The following TAF6L variants were observed in gnomAD, a reference collection of about 807,000 sequenced individuals.
The protein encoded by TAF6L is TATA-box binding protein associated factor 6 like, also known as TAF6-like RNA polymerase II p300/CBP-associated factor-associated factor 65 kDa subunit 6L.
A neutral mutation model predicts 57.3 loss-of-function variants in TAF6L; 34 were observed. That is an observed-to-expected ratio of 0.59 (90% confidence interval 0.45 to 0.79). TAF6L has a LOEUF of 0.79. Among genes scored for constraint, TAF6L ranks in the 30% least tolerant of loss-of-function variants. The probability of loss-of-function intolerance (pLI) is 0.00; values close to 1 mark genes in which losing one functional copy is unlikely to be tolerated. For missense variants in TAF6L, 782 were observed against 853.2 expected (o/e 0.92, Z 1.04); for synonymous variants, 417 against 376.3 (o/e 1.11, Z -1.25).
chr11:62,775,851 G>A lies in TAF6L; in HGVS notation c.68G>A (p.Ser23Asn). 1 of 1,613,740 alleles carries A rather than the reference G, an allele frequency of 6.2e-7. No homozygotes were observed. The highest frequency in any genetic ancestry group is 1.7e-5 in the Admixed American group (1 of 60,000). Residue 23 changes from serine to asparagine, a missense_variant, in exon 2 of 11, where the codon AGC (serine) becomes AAC (asparagine). Physicochemically the swap from Ser to Asn is conservative, Grantham distance 46. This residue lies in a region of TAF6L where 220 missense variants were observed against 252.1 expected (regional missense o/e 0.87). Coordinates refer to ENST00000294168, the MANE Select transcript of TAF6L (RefSeq NM_006473.4). ...PRESVRLMAE[S>N]TGLELSDEVA... ...GAGTCTGTCCGGCTCATGGCGGAGA[G>A]CACGGGCCTGGAGCTGAGCGATGAG...
chr11:62,787,241 G>A lies in TAF6L; in HGVS notation c.1814G>A (p.Ser605Asn). ...AAACTGCCCATGATCGGCCGTACCA[G>A]CCGCCCCGCCCGCCGGTGGGCGCTC... ...VQKLPMIGRT[S>N]RPARRWALSD... The change falls in exon 11 of 11, where the codon AGC becomes AAC. Residue 605 changes from serine to asparagine, a missense_variant. By Grantham distance (46) the Ser-to-Asn change is conservative. Coordinates refer to ENST00000294168, the MANE Select transcript of TAF6L (RefSeq NM_006473.4). 3.2e-6 allele frequency: 5 copies of A among 1,564,860 alleles called. No individual in the cohort carries two copies. The highest frequency in any genetic ancestry group is 4.3e-6 in the Non-Finnish European group (5 of 1,163,338).
intron 6 of TAF6L, among the ~76,000 whole-genome samples, chr11:62,781,078 A>G (rs1268425535): frequency 6.6e-6 from 1 of 151,778 alleles, no homozygotes; most frequent in Non-Finnish European, 1.5e-5. Context: ...TCTACTAAAA[A>G]TACAAAAATT....
rs1220254147 is a variant in TAF6L, at chr11:62,785,117, C to T, written c.961-1143C>T. Among the ~76,000 whole-genome samples the T allele has an allele frequency of 4.0e-5, 6 of 151,884 alleles. No individual in the cohort carries two copies. The East Asian group carries it at 5.8e-4, about 15-fold the overall frequency. ...CTTCCCAAAGTGCTGGGATTACAAG[C>T]GTGAGGCACTGCACCTCGCCTATCT... is the stretch of plus-strand genomic sequence containing the variant. On this transcript the variant is annotated intron_variant, in intron 9 of 10. Transcript: ENST00000294168.
rs186632638 is a variant in TAF6L at position 62,776,473 on chromosome 11, G to A, written c.234+3G>A. ...CCCTCAGATGGAGCAGCGTGGAGGTGAGTGGGGTGCAGGCTACAGAGGGCT... is the reference window on the plus strand; with the variant it reads ...CCCTCAGATGGAGCAGCGTGGAGGTAAGTGGGGTGCAGGCTACAGAGGGCT... On this transcript the variant is annotated splice_donor_region_variant and intron_variant, in intron 3 of 10. Coordinates refer to ENST00000294168, the MANE Select transcript of TAF6L (RefSeq NM_006473.4). 6.2e-7 allele frequency: 1 copy of A among 1,613,482 alleles called. No homozygotes were observed. The highest frequency in any genetic ancestry group is 2.2e-5 in the East Asian group (1 of 44,860).
intron 6 of TAF6L, among the ~76,000 whole-genome samples, chr11:62,780,936 C>CAAAAAAAAAAA (rs1302371766): frequency 1.9e-5 from 1 of 52,294 alleles, no homozygotes; most frequent in Non-Finnish European, 3.8e-5. Flanking sequence ...GACTCCATCT[C>CAAAAAAAAAAA]AAAAAAAAAA....
At chr11:62,778,251 G>T (rs200806239) in intron 4 of TAF6L, 34 bp from the exon 5 acceptor site, 1 of 1,614,046 alleles carries the variant, frequency 6.2e-7, no homozygotes, top group Admixed American at 1.7e-5. Context: ...GGGGCAAAAC[G>T]CCAGGCTGAC....
At chr11:62,774,059 A>G (rs2084168289) in intron 1 of TAF6L, among the ~76,000 whole-genome samples, 1 of 152,000 alleles carries the variant, frequency 6.6e-6, no homozygotes, top group African/African-American at 2.4e-5. Context: ...CTCCAGAGCC[A>G]TTGTTCAGAT....
At chr11:62,781,279 C>T (rs1486870959) in intron 6 of TAF6L, among the ~76,000 whole-genome samples, 1 of 151,836 alleles carries the variant, frequency 6.6e-6, no homozygotes, top group East Asian at 1.9e-4. Context: ...GTCTATTCCT[C>T]CACCTACTTT....
At position 62,783,115 on chromosome 11, in the gene TAF6L, C is replaced by T. The variant is rs1364806373; in HGVS notation, c.960+290C>T. 1.3e-5 allele frequency among the ~76,000 whole-genome samples: 2 copies of T among 152,200 alleles called. 1 individual carries two copies. The highest frequency in any genetic ancestry group is 4.8e-5 in the African/African-American group (2 of 41,464). On this transcript the variant is annotated intron_variant, in intron 9 of 10. Coordinates refer to ENST00000294168, the MANE Select transcript of TAF6L (RefSeq NM_006473.4). ...TTCCTGTTGTATTGAGCATTTTACA[C>T]ATGAATAGATACTGAATTTTGTCAT...
chr11:62,771,647 C>T, intron 1 of TAF6L, 157 bp downstream of exon 1: 1 of 177,248 alleles, frequency 5.6e-6, no homozygotes, highest in South Asian at 9.8e-5. Context: ...GCACCCCCTC[C>T]CCGATCTGGG....
intron 9 of TAF6L, among the ~76,000 whole-genome samples, chr11:62,783,986 C>T (rs1268319227): frequency 5.2e-3 from 27 of 5,196 alleles, no homozygotes; most frequent in South Asian, 0.022. Context: ...GCCAAGATGG[C>T]GCCACTACAC....
chr11:62,774,515 C>CAAT, intron 1 of TAF6L: 1 of 450,864 alleles, frequency 2.2e-6, no homozygotes, highest in South Asian at 1.6e-5. Flanking sequence ...GTAGTGGGGG[C>CAAT]AATGCCTGGG....
rs1319177545 is a variant in TAF6L at position 62,787,202 on chromosome 11, C to T, written c.1775C>T (p.Ser592Leu). 1 of 1,588,846 alleles carries T rather than the reference C, an allele frequency of 6.3e-7. No individual in the cohort carries two copies. The highest frequency in any genetic ancestry group is 1.7e-5 in the Admixed American group (1 of 59,324). The change falls in exon 11 of 11, where the codon TCG becomes TTG. Residue 592 changes from serine to leucine, a missense_variant. Around this residue, in one of 3 missense-constraint regions of TAF6L, gnomAD observed 483 missense variants for 445.1 expected, o/e 1.09. Coordinates refer to ENST00000294168, the MANE Select transcript of TAF6L (RefSeq NM_006473.4). ...FPAPYGPSPA[S>L]RYVQKLPMIG... is the part of the protein sequence containing the mutation. ...GCGCCGTACGGGCCTAGCCCGGCCT[C>T]GCGCTACGTGCAGAAACTGCCCATG...
At chr11:62,781,094 G>C (rs1468474624) in intron 6 of TAF6L, among the ~76,000 whole-genome samples, 1 of 151,578 alleles carries the variant, frequency 6.6e-6, no homozygotes, top group Non-Finnish European at 1.5e-5. Context: ...AAATTAGCTG[G>C]GCGTGGTGGT....
In TAF6L at chr11:62,775,891, C is replaced by T. The variant is rs746286093; in HGVS notation, c.108C>T (p.Leu36=). The T allele has an allele frequency of 1.1e-5, 18 of 1,613,772 alleles. No homozygotes were observed. The highest frequency in any genetic ancestry group is 1.4e-5 in the Non-Finnish European group (16 of 1,179,928). ...TGAGCGATGAGGTGGCGGCGCTGCT[C>T]GCAGAGGACGTGTGCTATCGTCTGA... ...LELSDEVAAL[L]AEDVCYRLRE... is the part of the protein sequence containing the mutation. Residue 36 remains leucine, a synonymous_variant, in exon 2 of 11, where the codon CTC becomes CTT. Transcript: ENST00000294168.
intron 3 of TAF6L, among the ~76,000 whole-genome samples, 164 bp from the exon 4 acceptor site, chr11:62,777,814 C>T (rs879464458): frequency 4.6e-5 from 7 of 152,166 alleles, no homozygotes; most frequent in Admixed American, 4.6e-4. Flanking sequence ...CCAGGCAAGT[C>T]CCCAGTGGTG....
At position 62,787,185 on chromosome 11, in the gene TAF6L, C is replaced by G. The variant is rs774365452; in HGVS notation, c.1758C>G (p.Tyr586Ter). The G allele has an allele frequency of 6.3e-7, 1 of 1,585,250 alleles. No individual in the cohort carries two copies. The highest frequency in any genetic ancestry group is 1.1e-5 in the South Asian group (1 of 89,450). ...RLFQTAFPAP[Y>*]GPSPASRYVQ... Reference sequence around the variant, plus strand: ...TCCAGACTGCCTTCCCCGCGCCGTACGGGCCTAGCCCGGCCTCGCGCTACG... The same window carrying G: ...TCCAGACTGCCTTCCCCGCGCCGTAGGGGCCTAGCCCGGCCTCGCGCTACG... The change falls in exon 11 of 11, where the codon TAC (tyrosine) becomes TAG (stop). Residue 586 changes from tyrosine (Y) to a stop codon, truncating the protein, a stop_gained. Transcript: ENST00000294168. LOFTEE classifies it high-confidence loss of function.
rs1188396988 is a variant in TAF6L, at chr11:62,779,982, T to A, written c.531+1019T>A. Among the ~76,000 whole-genome samples the A allele has an allele frequency of 4.6e-5, 6 of 129,066 alleles. No homozygotes were observed. In the East Asian group the frequency reaches 7.6e-4, roughly 16 times the overall value. The allele number at this position is 129,066 out of a possible 152,430, so 84.7% of individuals were successfully genotyped here. A position where few individuals can be genotyped will look rare whatever the true frequency, so the allele number is the denominator to read the frequency against. ...TATATATATATATATATATATTTTT[T>A]TTTTTTTTTTTTTTAGAGACAGGGT... On this transcript the variant is annotated intron_variant, in intron 6 of 10. Transcript: ENST00000294168.
intron 1 of TAF6L, chr11:62,771,989 G>A (rs1384907232): frequency 4.9e-6 from 2 of 405,144 alleles, no homozygotes; most frequent in Non-Finnish European, 9.8e-6. Flanking sequence ...TCCCCATACA[G>A]CTGGCGGCTC....
Sources: gnomAD v4.1 joint callset for allele counts (sites outside exome capture counted in the v4.1 genomes callset) on GRCh38, gnomAD v4.1.1 for gene constraint, gnomAD v4.1.1 regional missense constraint, MANE v1.5 for transcripts, NCBI Gene and HGNC (gene_info 2026-07-23, HGNC 2026-07-21) for gene names.